The following HID1 variants were observed in gnomAD, a reference collection of about 807,000 sequenced individuals.
HID1 encodes protein HID1.
HID1 carries 42 observed loss-of-function variants against 89.7 expected under a neutral mutation model. That is an observed-to-expected ratio of 0.47 (90% confidence interval 0.37 to 0.61). HID1 has a LOEUF of 0.61. HID1 is among the 20% of genes least tolerant of loss of function. The pLI is 0.00. For missense variants in HID1, 854 were observed against 1,039.3 expected (o/e 0.82, Z 2.45); for synonymous variants, 442 against 433.8 (o/e 1.02, Z -0.24).
At position 74,952,002 on chromosome 17, in the gene HID1, G is replaced by A; in HGVS notation, c.2206C>T (p.Leu736=). ...ATGAGGATGGGGTGGGGCACGGGCAGCAGCCCCACCAGGGTGCCATGCTGC... is the reference window on the plus strand; with the variant it reads ...ATGAGGATGGGGTGGGGCACGGGCAACAGCCCCACCAGGGTGCCATGCTGC... ...FLQHGTLVGL[L]PVPHPILIRK... is the part of the protein sequence containing the mutation. The change falls in exon 18 of 19, where the codon CTG becomes TTG. Residue 736 remains leucine, a synonymous_variant. Coordinates refer to ENST00000425042, the MANE Select transcript of HID1 (RefSeq NM_030630.3). The A allele has an allele frequency of 6.4e-7, 1 of 1,560,828 alleles. No homozygotes were observed. Among genetic ancestry groups the A allele is most frequent in the Non-Finnish European group, 8.7e-7 (1 of 1,152,232 alleles).
In HID1 at chr17:74,962,222, G is replaced by A. The variant is rs185815323; in HGVS notation, c.611+12C>T. ...AGCTGCATTGAGGGCTCCGGGCCTG[G>A]GCGAAGCTCACCGGTTCATATCGTG... On this transcript the variant is annotated intron_variant, in intron 5 of 18. Coordinates refer to ENST00000425042, the MANE Select transcript of HID1 (RefSeq NM_030630.3). The surrounding 1 kb of genome is among the most constrained non-coding windows in gnomAD (Gnocchi z 4.3). 4 of 1,596,428 alleles carry A rather than the reference G, an allele frequency of 2.5e-6. No individual in the cohort carries two copies. Among genetic ancestry groups the A allele is most frequent in the Middle Eastern group, 3.3e-4 (2 of 6,000 alleles).
rs144226094 is a variant in HID1, at chr17:74,957,968, A to G, written c.1471+173T>C. Reference sequence around the variant, plus strand: ...GTTGAGATGATGATAGATAAAACATATTATTCAATTGTTGTCACCCTTTTT... The same window carrying G: ...GTTGAGATGATGATAGATAAAACATGTTATTCAATTGTTGTCACCCTTTTT... On this transcript the variant is annotated intron_variant, in intron 12 of 18. Coordinates refer to ENST00000425042, the MANE Select transcript of HID1 (RefSeq NM_030630.3). The G allele has an allele frequency of 9.1e-4, 548 of 600,672 alleles. 2 individuals carry two copies. The highest frequency in any genetic ancestry group is 9.1e-3 in the African/African-American group (489 of 54,028). The allele number at this position is 600,672 out of a possible 1,614,324, so 37.2% of individuals were successfully genotyped here.
Position 74,963,929 on chromosome 17 carries a change from G to C in HID1, c.217-19C>G. On this transcript the variant is annotated intron_variant, in intron 2 of 18. Coordinates refer to ENST00000425042, the MANE Select transcript of HID1 (RefSeq NM_030630.3). ...CAACGGCCTGTGGGGGCAGGCAGGA[G>C]CAGAGGGCAGGCTGGAAGGTGGGGA... The C allele has an allele frequency of 1.2e-6, 2 of 1,613,208 alleles. No individual in the cohort carries two copies. The highest frequency in any genetic ancestry group is 1.7e-6 in the Non-Finnish European group (2 of 1,179,598).
intron 1 of HID1, among the ~76,000 whole-genome samples, chr17:74,971,596 T>G (rs1384568276): frequency 6.6e-6 from 1 of 151,058 alleles, no homozygotes; most frequent in African/African-American, 2.4e-5. Flanking sequence ...GAGCAGGAGG[T>G]GGGGGGGCCA....
intron 15 of HID1, 26 bp downstream of exon 15, chr17:74,953,519 C>T (rs753735670): frequency 3.8e-6 from 6 of 1,596,112 alleles, no homozygotes; most frequent in South Asian, 1.1e-5. Flanking sequence ...CAGCCACGCC[C>T]GGCTCCAGGA....
chr17:74,970,123 C>T (rs2039624223), intron 1 of HID1, among the ~76,000 whole-genome samples: 1 of 151,710 alleles, frequency 6.6e-6, no homozygotes, highest in African/African-American at 2.4e-5. Flanking sequence ...CTCCATGTCG[C>T]TCAGGCTGGT....
In HID1 at chr17:74,971,585, A is replaced by G. The variant is rs2039648142; in HGVS notation, c.66+1006T>C. 2.0e-5 allele frequency among the ~76,000 whole-genome samples: 3 copies of G among 152,132 alleles called. No homozygotes were observed. In the South Asian group the frequency reaches 6.2e-4, roughly 32 times the overall value. ...CTCCAGCAGCAAGAGAGAGCCCTGG[A>G]GAGCAGGAGGTGGGGGGGCCAGGAA... is the stretch of plus-strand genomic sequence containing the variant. On this transcript the variant is annotated intron_variant, in intron 1 of 18. Coordinates refer to ENST00000425042, the MANE Select transcript of HID1 (RefSeq NM_030630.3).
At position 74,962,234 on chromosome 17, in the gene HID1, C is replaced by T; in HGVS notation, c.611G>A (p.Arg204Gln). ...PQPNYIHDMN[R>Q]MELLKLLLTC... ...GGCTCCGGGCCTGGGCGAAGCTCAC[C>T]GGTTCATATCGTGGATGTAGTTAGG... The change falls in exon 5 of 19, where the codon CGG becomes CAG. Residue 204 changes from arginine (R) to glutamine (Q), a missense_variant and splice_region_variant. Transcript: ENST00000425042. The surrounding 1 kb of genome is among the most constrained non-coding windows in gnomAD (Gnocchi z 4.3). 3.7e-6 allele frequency: 6 copies of T among 1,602,598 alleles called. No homozygotes were observed. The highest frequency in any genetic ancestry group is 2.2e-5 in the East Asian group (1 of 44,518).
chr17:74,972,745 G>T lies in HID1; in HGVS notation c.-89C>A. On this transcript the variant is annotated 5_prime_UTR_variant, in exon 1 of 19. Transcript: ENST00000425042. This position sits in a 1 kb window ranked among gnomAD's most constrained non-coding sequence, Gnocchi z 6.4. ...CGGCTCCAGCTCCGCGGCCCCCGCG[G>T]CTCTCGCAGGAGACAAGCGGCGCGC... The T allele has an allele frequency of 7.8e-7, 1 of 1,282,178 alleles. No homozygotes were observed. Among genetic ancestry groups the T allele is most frequent in the Non-Finnish European group, 1.0e-6 (1 of 959,544 alleles). The allele number at this position is 1,282,178 out of a possible 1,614,324, so 79.4% of individuals were successfully genotyped here.
In HID1 at chr17:74,958,346, T is replaced by C; in HGVS notation, c.1373A>G (p.His458Arg). The change falls in exon 11 of 19, where the codon CAC becomes CGC. Residue 458 changes from histidine to arginine, a missense_variant. Coordinates refer to ENST00000425042, the MANE Select transcript of HID1 (RefSeq NM_030630.3). This position sits in a 1 kb window ranked among gnomAD's most constrained non-coding sequence, Gnocchi z 5.2. ...PMDIPVFTGT[H>R]ADLLIVVFHK... is the part of the protein sequence containing the mutation. ...CCTCACCACAATGAGCAGGTCGGCG[T>C]GGGTCCCTGTGAAGACTGGGATGTC... 3 of 1,613,236 alleles carry C rather than the reference T, an allele frequency of 1.9e-6. No individual in the cohort carries two copies. Among genetic ancestry groups the C allele is most frequent in the Non-Finnish European group, 2.5e-6 (3 of 1,179,730 alleles).
intron 1 of HID1, among the ~76,000 whole-genome samples, chr17:74,968,340 C>T (rs1293887764): frequency 6.6e-6 from 1 of 152,124 alleles, no homozygotes; most frequent in African/African-American, 2.4e-5. Flanking sequence ...TGAAGCTGCG[C>T]TCAGTCCTGG....
In HID1 at chr17:74,962,478, T is replaced by C. The variant is rs117050258; in HGVS notation, c.505-138A>G. 0.016 allele frequency: 9,035 copies of C among 569,100 alleles called. 100 individuals are homozygous for C. Among genetic ancestry groups the C allele is most frequent in the Non-Finnish European group, 0.022 (6,873 of 311,502 alleles). 35.3% of individuals were successfully genotyped at this position (569,100 alleles called of 1,614,324 possible). A position where few individuals can be genotyped will look rare whatever the true frequency, so the allele number is the denominator to read the frequency against. Reference sequence around the variant, plus strand: ...TTCTCCTAAAGACAGGTCCTCAAAATGGCCTGGCCCTCATGCACAAGAGCA... The same window carrying C: ...TTCTCCTAAAGACAGGTCCTCAAAACGGCCTGGCCCTCATGCACAAGAGCA... On this transcript the variant is annotated intron_variant, in intron 4 of 18. Coordinates refer to ENST00000425042, the MANE Select transcript of HID1 (RefSeq NM_030630.3). This position sits in a 1 kb window ranked among gnomAD's most constrained non-coding sequence, Gnocchi z 4.3.
At chr17:74,956,847 G>A (rs9911438) in intron 12 of HID1, among the ~76,000 whole-genome samples, 43,719 of 152,180 alleles carry the variant, frequency 0.29, 6,477 homozygotes, top group Admixed American at 0.38. Flanking sequence ...GCAGCTGTGT[G>A]CAGTCCTTGC....
Position 74,952,261 on chromosome 17 carries a change from C to A in HID1, c.2144+8G>T, listed in dbSNP as rs1267106824. 6.2e-7 allele frequency: 1 copy of A among 1,612,058 alleles called. No individual in the cohort carries two copies. Among genetic ancestry groups the A allele is most frequent in the Non-Finnish European group, 8.5e-7 (1 of 1,178,868 alleles). ...CACAACCCCCGGCCCTGCCGGCGCC[C>A]GACTCACTTGTCAATGCAGATCTTC... On this transcript the variant is annotated splice_region_variant and intron_variant, in intron 17 of 18. Coordinates refer to ENST00000425042, the MANE Select transcript of HID1 (RefSeq NM_030630.3).
At chr17:74,963,661 G>T in intron 3 of HID1, 79 bp downstream of exon 3, 2 of 1,371,066 alleles carry the variant, frequency 1.5e-6, no homozygotes, top group South Asian at 2.8e-5. Flanking sequence ...AGGCTTGGAG[G>T]AGCATGGCCG....
intron 6 of HID1, chr17:74,961,561 C>T: frequency 6.3e-6 from 1 of 159,252 alleles, no homozygotes; most frequent in East Asian, 1.7e-4. Context: ...AGCCACCGCG[C>T]CTGGCCCAAT....
Position 74,953,711 on chromosome 17 carries a change from C to G in HID1, c.1865-60G>C, listed in dbSNP as rs538356096. The G allele has an allele frequency of 3.8e-6, 5 of 1,313,158 alleles. No individual in the cohort carries two copies. In the East Asian group the frequency reaches 1.2e-4, roughly 30 times the overall value. 81.3% of individuals were successfully genotyped at this position (1,313,158 alleles called of 1,614,324 possible). ...GCCACAGTGACCCTTCTAGCCCTTC[C>G]TCCACCCACTTTTTTATTTTTATTT... On this transcript the variant is annotated intron_variant, in intron 14 of 18. Transcript: ENST00000425042.
intron 6 of HID1, among the ~76,000 whole-genome samples, chr17:74,961,402 G>A (rs1466350595): frequency 6.6e-6 from 1 of 151,862 alleles, no homozygotes; most frequent in East Asian, 1.9e-4. Flanking sequence ...CGAGTAGCTG[G>A]GATTACAGGC....
At chr17:74,955,981 C>T (rs114849468) in intron 12 of HID1, 25 bp from the exon 13 acceptor site, 3 of 1,607,572 alleles carry the variant, frequency 1.9e-6, no homozygotes, top group Non-Finnish European at 2.5e-6. Context: ...TCAGCTCACT[C>T]CTGGGCCCCT....
Sources: gnomAD v4.1 joint callset for allele counts (sites outside exome capture counted in the v4.1 genomes callset) on GRCh38, gnomAD v4.1.1 for gene constraint, Gnocchi (gnomAD v3.1) non-coding constraint, MANE v1.5 for transcripts, NCBI Gene and HGNC (gene_info 2026-07-23, HGNC 2026-07-21) for gene names.